LIG1: variants seen among roughly 807,000 people sequenced by gnomAD.
LIG1 encodes DNA ligase 1.
A neutral mutation model predicts 115.7 loss-of-function variants in LIG1; 70 were observed. That is an observed-to-expected ratio of 0.60 (90% CI 0.50 to 0.74). The LOEUF is 0.74. Among genes scored for constraint, LIG1 ranks in the 30% least tolerant of loss-of-function variants. LIG1 has a pLI of 0.00. For missense variants in LIG1, 1,115 were observed against 1,225.6 expected, an observed-to-expected ratio of 0.91 and a Z score of 1.35; for synonymous variants, 487 against 495.3, an observed-to-expected ratio of 0.98 and a Z score of 0.22.
intron 18 of LIG1, 75 bp from the exon 19 acceptor site, chr19:48,131,246 C>A: frequency 9.4e-7 from 1 of 1,063,038 alleles, no homozygotes; most frequent in South Asian, 1.3e-5. Flanking sequence ...TCTGACCCCA[C>A]CTGCACTGGT....
At position 48,139,966 on chromosome 19, in the gene LIG1, C is replaced by T; in HGVS notation, c.1087+5G>A. The T allele has an allele frequency of 6.2e-7, 1 of 1,614,136 alleles. No individual in the cohort carries two copies. Among genetic ancestry groups the T allele is most frequent in the Non-Finnish European group, 8.5e-7 (1 of 1,180,028 alleles). ...TCTGGTCCCTCCAACCACAGTCCCC[C>T]TTACCTGTGGCCTGGGCCACTGCCT... On this transcript the variant is annotated splice_donor_5th_base_variant and intron_variant, in intron 12 of 27. Coordinates refer to ENST00000263274, the MANE Select transcript of LIG1 (RefSeq NM_000234.3).
intron 6 of LIG1, among the ~76,000 whole-genome samples, chr19:48,153,068 G>A (rs2035575498): frequency 6.6e-6 from 1 of 151,834 alleles, no homozygotes; most frequent in Admixed American, 6.6e-5. Context: ...GTGGTGGTGT[G>A]TCTGTAATCC....
rs1403071738 is a variant in LIG1 at position 48,135,781 on chromosome 19, T to C, written c.1424-2A>G. The C allele has an allele frequency of 6.2e-7, 1 of 1,613,142 alleles. No individual in the cohort carries two copies. Among genetic ancestry groups the C allele is most frequent in the African/African-American group, 1.3e-5 (1 of 74,922 alleles). ...CATCCACCATGGCTGGTGGGAATTC[T>C]AAGAAAAGACCCACCAGAGGCTTTG... On this transcript the variant is annotated splice_acceptor_variant, in intron 15 of 27. Coordinates refer to ENST00000263274, the MANE Select transcript of LIG1 (RefSeq NM_000234.3). LOFTEE classifies it high-confidence loss of function.
At chr19:48,167,305 C>T (rs779794923) in intron 1 of LIG1, among the ~76,000 whole-genome samples, 9 of 152,114 alleles carry the variant, frequency 5.9e-5, no homozygotes, top group Non-Finnish European at 8.8e-5. Flanking sequence ...AGGACCTCTG[C>T]GTGGATTGCT....
intron 18 of LIG1, 82 bp downstream of exon 18, chr19:48,132,900 G>A: frequency 9.9e-7 from 1 of 1,014,196 alleles, no homozygotes. Context: ...AGGCCGGCTT[G>A]AAGCTCAGGC....
chr19:48,157,021 A>G lies in LIG1; in HGVS notation c.363T>C (p.Arg121=), dbSNP rs553771465. The change falls in exon 5 of 28, where the codon CGT becomes CGC. Residue 121 remains arginine (R), a synonymous_variant. Coordinates refer to ENST00000263274, the MANE Select transcript of LIG1 (RefSeq NM_000234.3). ...GGGCCCGTGTGTTCTCACCTGTGCG[A>G]CGCTTCGGAATCCCTGATGGGGAAC... ...MDSSPSGIPK[R]RTARKQLPKR... 1.9e-6 allele frequency: 3 copies of G among 1,596,644 alleles called. No individual in the cohort carries two copies. Among genetic ancestry groups the G allele is most frequent in the African/African-American group, 2.7e-5 (2 of 73,654 alleles).
At chr19:48,142,599 G>A (rs1192173885) in intron 11 of LIG1, among the ~76,000 whole-genome samples, 2 of 152,036 alleles carry the variant, frequency 1.3e-5, no homozygotes, top group Non-Finnish European at 2.9e-5. Context: ...ATGTGGAAAC[G>A]GGTTTGATAG....
intron 24 of LIG1, chr19:48,120,265 T>C (rs2033171850): frequency 2.0e-6 from 2 of 985,198 alleles, no homozygotes; most frequent in Admixed American, 6.1e-5. Context: ...TTGAAAACTC[T>C]TGTGCGGGCA....
intron 5 of LIG1, among the ~76,000 whole-genome samples, chr19:48,154,899 TCCTA>T (rs1276292869): frequency 6.6e-6 from 1 of 152,056 alleles, no homozygotes; most frequent in Non-Finnish European, 1.5e-5. Context: ...TCTACCCCGA[TCCTA>T]CCTAATCTCT....
At chr19:48,143,521 C>T (rs1168107157) in intron 11 of LIG1, 22 bp downstream of exon 11, 10 of 621,586 alleles carry the variant, frequency 1.6e-5, no homozygotes, top group Non-Finnish European at 2.3e-5. Context: ...CGCCCCCCAC[C>T]CAGGCAGTCC....
chr19:48,131,795 T>TATA (rs1022052935), intron 18 of LIG1, among the ~76,000 whole-genome samples: 2 of 152,238 alleles, frequency 1.3e-5, no homozygotes, highest in African/African-American at 4.8e-5. Flanking sequence ...GGGCGGCATA[T>TATA]ATAGCATCTT....
chr19:48,143,507 ACCCC>A, intron 11 of LIG1, 32 bp downstream of exon 11: 1 of 550,512 alleles, frequency 1.8e-6, no homozygotes, highest in Non-Finnish European at 3.6e-6. Context: ...CCCAGAAGCG[ACCCC>A]GCCCCCCACC....
chr19:48,152,522 G>A (rs2035542634), intron 6 of LIG1, among the ~76,000 whole-genome samples: 1 of 152,072 alleles, frequency 6.6e-6, no homozygotes, highest in Non-Finnish European at 1.5e-5. Flanking sequence ...GGCTGCAATT[G>A]GTGTAATCTC....
chr19:48,136,934 G>C, intron 14 of LIG1, 74 bp downstream of exon 14: 1 of 1,198,914 alleles, frequency 8.3e-7, no homozygotes, highest in Non-Finnish European at 1.2e-6. Context: ...GATGATTCCA[G>C]CTGCCAGTCC....
chr19:48,153,869 C>A lies in LIG1; in HGVS notation c.466+3G>T. The A allele has an allele frequency of 6.4e-7, 1 of 1,566,062 alleles. No homozygotes were observed. Among genetic ancestry groups the A allele is most frequent in the Non-Finnish European group, 8.7e-7 (1 of 1,154,724 alleles). On this transcript the variant is annotated splice_donor_region_variant and intron_variant, in intron 6 of 27. Coordinates refer to ENST00000263274, the MANE Select transcript of LIG1 (RefSeq NM_000234.3). ...ACACACTTCTCTCCTTCTGGGGGCTCACCTTCCTCCTCCTTCTTCCTCTTG... is the reference window on the plus strand; with the variant it reads ...ACACACTTCTCTCCTTCTGGGGGCTAACCTTCCTCCTCCTTCTTCCTCTTG...
In LIG1 at chr19:48,132,891, G is replaced by A. The variant is rs2034131903; in HGVS notation, c.1725+91C>T. 19 of 929,258 alleles carry A rather than the reference G, an allele frequency of 2.0e-5. 1 individual carries two copies. In the South Asian group the frequency reaches 2.1e-4, roughly 10 times the overall value. 57.6% of individuals were successfully genotyped at this position (929,258 alleles called of 1,614,324 possible). On this transcript the variant is annotated intron_variant, in intron 18 of 27. Coordinates refer to ENST00000263274, the MANE Select transcript of LIG1 (RefSeq NM_000234.3). Reference sequence around the variant, plus strand: ...CGAGGGCTCGGCAGTCTGTGGCGCAGGCCGGCTTGAAGCTCAGGCCTCAGT... The same window carrying A: ...CGAGGGCTCGGCAGTCTGTGGCGCAAGCCGGCTTGAAGCTCAGGCCTCAGT...
At chr19:48,115,840 T>G in intron 27 of LIG1, 33 bp downstream of exon 27, 1 of 1,598,376 alleles carries the variant, frequency 6.3e-7, no homozygotes, top group South Asian at 1.1e-5. Context: ...GCCAAGCAGC[T>G]GGGCGGCCCA....
intron 15 of LIG1, 67 bp from the exon 16 acceptor site, chr19:48,135,846 G>C: frequency 7.1e-7 from 1 of 1,416,568 alleles, no homozygotes; most frequent in South Asian, 1.1e-5. Context: ...GGTGCAGTGG[G>C]TGGTTTGCTG....
At position 48,122,979 on chromosome 19, in the gene LIG1, A is replaced by G. The variant is rs116999747; in HGVS notation, c.2187T>C (p.Val729=). 5,799 of 1,613,690 alleles carry G rather than the reference A, an allele frequency of 3.6e-3. 15 individuals are homozygous for G. Among genetic ancestry groups the G allele is most frequent in the Non-Finnish European group, 4.6e-3 (5,440 of 1,179,952 alleles). ...CEGLMVKTLD[V]DATYEIAKRS... is the part of the protein sequence containing the mutation. ...TCTTGGCGATCTCGTAGGTGGCATC[A>G]ACATCCAGGGTCTTCACCATCAGCC... The change falls in exon 23 of 28, where the codon GTT becomes GTC. Residue 729 remains valine (V), a synonymous_variant. Coordinates refer to ENST00000263274, the MANE Select transcript of LIG1 (RefSeq NM_000234.3). The surrounding 1 kb of genome is among the most constrained non-coding windows in gnomAD (Gnocchi z 4.3).
Sources: gnomAD v4.1 joint callset for allele counts (sites outside exome capture counted in the v4.1 genomes callset) on GRCh38, gnomAD v4.1.1 for gene constraint, Gnocchi (gnomAD v3.1) non-coding constraint, MANE v1.5 for transcripts, NCBI Gene and HGNC (gene_info 2026-07-23, HGNC 2026-07-21) for gene names.